The following ANK3 variants were observed in gnomAD, a reference collection of about 807,000 sequenced individuals.
ANK3 encodes ankyrin 3.
ANK3 carries 57 observed loss-of-function variants against 370.9 expected under a neutral mutation model. That is an observed-to-expected ratio of 0.15 (90% confidence interval 0.12 to 0.19). The LOEUF (loss-of-function observed/expected upper bound fraction) is 0.19, where lower values mean the gene tolerates loss of function less well. Ranked by LOEUF, ANK3 falls within the 10% of genes least tolerant of loss-of-function variation. The pLI, the probability that ANK3 is intolerant of heterozygous loss-of-function variation, is 1.00. For synonymous variants in ANK3, 1,929 were observed against 1,946.3 expected, an observed-to-expected ratio of 0.99 and a Z score of 0.23; for missense variants, 4,439 against 5,302.1, an observed-to-expected ratio of 0.84 and a Z score of 5.06.
At chr10:60,296,769 G>A (rs888520412) in intron 1 of ANK3, among the ~76,000 whole-genome samples, 2 of 152,126 alleles carry the variant, frequency 1.3e-5, no homozygotes, top group African/African-American at 4.8e-5. Flanking sequence ...GAGCCTAAGA[G>A]TCTGAGATCA....
rs1202881255 is a variant in ANK3, at chr10:60,196,520, C to A, written c.1788+7G>T. ...GGCCTGCTTCAGGGTGGCTGGTGACCTCTTACCTTCCCAGCAGCATCTGGA... is the reference window on the plus strand; with the variant it reads ...GGCCTGCTTCAGGGTGGCTGGTGACATCTTACCTTCCCAGCAGCATCTGGA... On this transcript the variant is annotated splice_region_variant and intron_variant, in intron 15 of 43. Transcript: ENST00000280772. The A allele has an allele frequency of 6.3e-7, 1 of 1,599,856 alleles. No individual in the cohort carries two copies. The highest frequency in any genetic ancestry group is 1.3e-5 in the African/African-American group (1 of 74,352).
chr10:60,324,387 T>A (rs1216579804), intron 1 of ANK3, among the ~76,000 whole-genome samples: 1 of 152,220 alleles, frequency 6.6e-6, no homozygotes, highest in Admixed American at 6.5e-5. Flanking sequence ...GGGAGTCTGC[T>A]CCTGCCAAGA....
At chr10:60,476,718 A>G (rs2075074938) in intron 2 of ANK3, among the ~76,000 whole-genome samples, 1 of 152,212 alleles carries the variant, frequency 6.6e-6, no homozygotes, top group Non-Finnish European at 1.5e-5. Flanking sequence ...AATTGGATTT[A>G]CAGCCAAAAC....
At chr10:60,666,235 G>A (rs2078994053) in intron 1 of ANK3, among the ~76,000 whole-genome samples, 1 of 152,158 alleles carries the variant, frequency 6.6e-6, no homozygotes, top group Non-Finnish European at 1.5e-5. Flanking sequence ...AAAAGAAATT[G>A]TGACACATGC....
In ANK3 at chr10:60,119,699, G is replaced by C. The variant is rs191632501; in HGVS notation, c.2842-5368C>G. 1.5e-3 allele frequency among the ~76,000 whole-genome samples: 234 copies of C among 152,148 alleles called. 2 individuals carry two copies. Among genetic ancestry groups the C allele is most frequent in the Non-Finnish European group, 2.5e-3 (171 of 68,008 alleles). On this transcript the variant is annotated intron_variant, in intron 25 of 43. Transcript: ENST00000280772. ...AGACAGGAGAATCGCTTGAACCCGG[G>C]GTACAGAAGTCGCAGTGAGCCGAGA...
rs2082492843 is a variant in ANK3 at position 60,070,532 on chromosome 10, C to T, written c.10349G>A (p.Gly3450Asp). 3 of 1,614,164 alleles carry T rather than the reference C, an allele frequency of 1.9e-6. No individual in the cohort carries two copies. The highest frequency in any genetic ancestry group is 1.1e-5 in the South Asian group (1 of 91,090). ...AGAGCGGTCAGCTGGCTTCAGAATG[C>T]CCTCTGTGTTCCAGATATCTTTCTT... is the stretch of plus-strand genomic sequence containing the variant. ...EIKKDIWNTE[G>D]ILKPADRSFS... is the part of the protein sequence containing the mutation. The change falls in exon 37 of 44, where the codon GGC (glycine) becomes GAC (aspartate). Residue 3450 changes from glycine to aspartate, a missense_variant. Physicochemically the swap from Gly to Asp is moderately conservative, Grantham distance 94 (BLOSUM62 -1). Transcript: ENST00000280772. The surrounding 1 kb of genome is among the most constrained non-coding windows in gnomAD (Gnocchi z 5.7).
At chr10:60,439,758 T>C (rs1162986197) in intron 2 of ANK3, among the ~76,000 whole-genome samples, 1 of 152,204 alleles carries the variant, frequency 6.6e-6, no homozygotes, top group African/African-American at 2.4e-5. Context: ...TTCACCTCTC[T>C]GGGCTTTAGT....
chr10:60,636,495 A>T (rs116725267), intron 1 of ANK3, among the ~76,000 whole-genome samples: 5,351 of 152,222 alleles, frequency 0.035, 121 homozygotes, highest in South Asian at 0.071. Flanking sequence ...AATACCTATG[A>T]TTTGCTTATG....
intron 43 of ANK3, among the ~76,000 whole-genome samples, chr10:60,035,124 T>C (rs1374865348): frequency 6.6e-6 from 1 of 152,238 alleles, no homozygotes; most frequent in African/African-American, 2.4e-5. Context: ...TAGGTAAAGA[T>C]ATTTATTCTA....
intron 43 of ANK3, among the ~76,000 whole-genome samples, chr10:60,038,985 A>G (rs551120463): frequency 6.6e-6 from 1 of 152,324 alleles, no homozygotes; most frequent in African/African-American, 2.4e-5. Context: ...CCCTAGCCCC[A>G]AAGTCTAAGT....
At chr10:60,222,270 A>C (rs1030068233) in intron 8 of ANK3, among the ~76,000 whole-genome samples, 1 of 152,208 alleles carries the variant, frequency 6.6e-6, no homozygotes, top group Non-Finnish European at 1.5e-5. Context: ...CTGCTGGGAC[A>C]TTGACAGGTC....
intron 16 of ANK3, among the ~76,000 whole-genome samples, chr10:60,190,253 G>T (rs989615260): frequency 6.6e-6 from 1 of 152,320 alleles, no homozygotes; most frequent in East Asian, 1.9e-4. Context: ...ATCTGATGAT[G>T]AGTTAACATT....
At chr10:60,532,897 A>G (rs896141930) in intron 2 of ANK3, among the ~76,000 whole-genome samples, 1 of 152,104 alleles carries the variant, frequency 6.6e-6, no homozygotes, top group Non-Finnish European at 1.5e-5. Flanking sequence ...GGCGAGGGTA[A>G]TTCTAAGAGG....
At chr10:60,606,934 A>C (rs767411164) in intron 2 of ANK3, among the ~76,000 whole-genome samples, 3 of 152,180 alleles carry the variant, frequency 2.0e-5, no homozygotes, top group Non-Finnish European at 4.4e-5. Flanking sequence ...ACTTGCACAT[A>C]ACAGATGTAT....
In ANK3 at chr10:60,408,262, T is replaced by C. The variant is rs74916172; in HGVS notation, c.97-128623A>G. Among the ~76,000 whole-genome samples, 796 of 152,328 alleles carry C rather than the reference T, an allele frequency of 5.2e-3. 4 individuals are homozygous for C. Among genetic ancestry groups the C allele is most frequent in the African/African-American group, 0.015 (613 of 41,576 alleles). ...CCATGTTTAATTGTCACCTCCATCA[T>C]GTTTAATTGTCAACCCCAGTGTTGG... On this transcript the variant is annotated intron_variant, in intron 2 of 43. Transcript: ENST00000373827.
chr10:60,208,334 C>A (rs901397512), intron 9 of ANK3, 101 bp from the exon 10 acceptor site: 6 of 1,022,666 alleles, frequency 5.9e-6, no homozygotes, highest in Non-Finnish European at 8.8e-6. Context: ...TCCAGTTCTT[C>A]ACATGAAAAT....
At chr10:60,181,259 A>C in intron 18 of ANK3, 70 bp downstream of exon 18, 1 of 1,273,062 alleles carries the variant, frequency 7.9e-7, no homozygotes, top group South Asian at 1.2e-5. Flanking sequence ...TGATACAATT[A>C]TAGTTTCTTC....
In ANK3 at chr10:60,326,310, CT is replaced by C. The variant is rs373146812; in HGVS notation, c.115-46672del. Among the ~76,000 whole-genome samples, 347 of 152,130 alleles carry C rather than the reference CT, an allele frequency of 2.3e-3. 2 individuals carry two copies. The highest frequency in any genetic ancestry group is 0.017 in the Middle Eastern group (5 of 294). On this transcript the variant is annotated intron_variant, in intron 1 of 43. Coordinates refer to ENST00000280772, the MANE Select transcript of ANK3 (RefSeq NM_020987.5). ...AAAAATAATAATAAAAATAAATTACCTTTTGCTTAAGAAAGCCAAAGCTGGT... is the reference window on the plus strand; with the variant it reads ...AAAAATAATAATAAAAATAAATTACCTTTGCTTAAGAAAGCCAAAGCTGGT...
At chr10:60,306,546 T>C (rs936273606) in intron 1 of ANK3, among the ~76,000 whole-genome samples, 2 of 152,122 alleles carry the variant, frequency 1.3e-5, no homozygotes, top group African/African-American at 4.8e-5. Flanking sequence ...CGTGTGTGCA[T>C]GTCTTTTTCA....
Sources: gnomAD v4.1 joint callset for allele counts (sites outside exome capture counted in the v4.1 genomes callset) on GRCh38, gnomAD v4.1.1 for gene constraint, Gnocchi (gnomAD v3.1) non-coding constraint, MANE v1.5 for transcripts, NCBI Gene and HGNC (gene_info 2026-07-23, HGNC 2026-07-21) for gene names.